MYSM1: variants seen among roughly 807,000 people sequenced by gnomAD.
The protein encoded by MYSM1 is deubiquitinase MYSM1.
MYSM1 carries 51 observed loss-of-function variants against 116.0 expected under a neutral mutation model. The ratio of observed to expected loss-of-function variants is 0.44; its 90% CI spans 0.35 to 0.56. The LOEUF (loss-of-function observed/expected upper bound fraction) is 0.56, where lower values mean the gene tolerates loss of function less well. Among genes scored for constraint, MYSM1 ranks in the 20% least tolerant of loss-of-function variants. MYSM1 has a pLI of 0.00. For missense variants in MYSM1, 900 were observed against 974.9 expected (o/e 0.92, Z 1.02); for synonymous variants, 313 against 315.2 (o/e 0.99, Z 0.07).
At position 58,655,856 on chromosome 1, in the gene MYSM1, G is replaced by C. The variant is rs987489380; in HGVS notation, c.*4141C>G. 6.6e-6 allele frequency: 1 copy of C among 151,876 alleles called. No homozygotes were observed. The highest frequency in any genetic ancestry group is 6.6e-5 in the Admixed American group (1 of 15,230). 9.4% of individuals were successfully genotyped at this position (151,876 alleles called of 1,614,324 possible). A position where few individuals can be genotyped will look rare whatever the true frequency, so the allele number is the denominator to read the frequency against. On this transcript the variant is annotated 3_prime_UTR_variant, in exon 20 of 20. Transcript: ENST00000472487. ...TGCTTTTCTTTGTGCTTGGATAAAA[G>C]AAGTTTTCCTAAATACCATATATTG...
rs200273519 is a variant in MYSM1 at position 58,668,943 on chromosome 1, C to T, written c.1716+41G>A. ...AAGCATTTCCTGTTTGACGGGGAAG[C>T]GGGGATTGTCTACTGTCATTCATTA... On this transcript the variant is annotated intron_variant, in intron 13 of 19. Coordinates refer to ENST00000472487, the MANE Select transcript of MYSM1 (RefSeq NM_001085487.3). 3,322 of 1,463,306 alleles carry T rather than the reference C, an allele frequency of 2.3e-3. 36 individuals are homozygous for T. The African/African-American group carries it at 0.03, about 13-fold the overall frequency. The allele number at this position is 1,463,306 out of a possible 1,614,324, so 90.6% of individuals were successfully genotyped here.
chr1:58,661,236 A>C lies in MYSM1; in HGVS notation c.2271-9T>G. ...TATCCATGGGGACGCTGCTGTAGGA[A>C]GAAATATGAAAACAAACTGGTGAAA... On this transcript the variant is annotated splice_polypyrimidine_tract_variant and intron_variant, in intron 18 of 19. Transcript: ENST00000472487. 1 of 1,611,318 alleles carries C rather than the reference A, an allele frequency of 6.2e-7. No individual in the cohort carries two copies. Among genetic ancestry groups the C allele is most frequent in the South Asian group, 1.1e-5 (1 of 91,006 alleles).
At chr1:58,697,765 T>G (rs1644997708) in intron 1 of MYSM1, among the ~76,000 whole-genome samples, 1 of 151,378 alleles carries the variant, frequency 6.6e-6, no homozygotes, top group Admixed American at 6.6e-5. Flanking sequence ...AAGTTTGTAT[T>G]TTTAGTAGAG....
rs757634942 is a variant in MYSM1, at chr1:58,661,243, T to C, written c.2271-16A>G. ...GGGGACGCTGCTGTAGGAAGAAATA[T>C]GAAAACAAACTGGTGAAACGAATAC... is the stretch of plus-strand genomic sequence containing the variant. On this transcript the variant is annotated splice_polypyrimidine_tract_variant and intron_variant, in intron 18 of 19. Coordinates refer to ENST00000472487, the MANE Select transcript of MYSM1 (RefSeq NM_001085487.3). 3.9e-5 allele frequency: 63 copies of C among 1,607,516 alleles called. No individual in the cohort carries two copies. Among genetic ancestry groups the C allele is most frequent in the Non-Finnish European group, 5.4e-5 (63 of 1,174,382 alleles).
chr1:58,696,380 T>C (rs1016297611), intron 1 of MYSM1, among the ~76,000 whole-genome samples: 2 of 152,250 alleles, frequency 1.3e-5, no homozygotes, highest in Admixed American at 1.3e-4. Context: ...AGGTACCACA[T>C]ATTAGCATGT....
intron 11 of MYSM1, among the ~76,000 whole-genome samples, chr1:58,673,211 A>G (rs948292286): frequency 6.9e-6 from 1 of 145,760 alleles, no homozygotes; most frequent in African/African-American, 2.5e-5. Flanking sequence ...TATTTAGAAC[A>G]CATGTGTGTC....
At chr1:58,670,954 T>C (rs1311447465) in intron 12 of MYSM1, among the ~76,000 whole-genome samples, 3 of 152,220 alleles carry the variant, frequency 2.0e-5, no homozygotes, top group African/African-American at 7.2e-5. Context: ...ATTATCTGGA[T>C]ACTGGATGAG....
chr1:58,682,041 C>G lies in MYSM1; in HGVS notation c.1003G>C (p.Ala335Pro), dbSNP rs758592022. 6.2e-7 allele frequency: 1 copy of G among 1,614,166 alleles called. No homozygotes were observed. The highest frequency in any genetic ancestry group is 1.1e-5 in the South Asian group (1 of 91,088). The change falls in exon 8 of 20, where the codon GCC (alanine) becomes CCC (proline). Residue 335 changes from alanine to proline, a missense_variant. Physicochemically the swap from Ala to Pro is conservative, Grantham distance 27 (BLOSUM62 -1). Coordinates refer to ENST00000472487, the MANE Select transcript of MYSM1 (RefSeq NM_001085487.3). ...KHDGRGIIVDARQLPSPEPCE... is the reference protein window; with the variant it reads ...KHDGRGIIVDPRQLPSPEPCE... ...GGCTCTGGAGAAGGCAACTGCCTGG[C>G]ATCAACTATTATTCCCCTTCCATCA...
chr1:58,676,701 A>C, intron 9 of MYSM1: 1 of 307,672 alleles, frequency 3.3e-6, no homozygotes, highest in African/African-American at 2.2e-5. Context: ...ACTTAGATTG[A>C]ATATTTTACC....
In MYSM1 at chr1:58,665,924, G is replaced by A. The variant is rs1047939670; in HGVS notation, c.2032-293C>T. Among the ~76,000 whole-genome samples the A allele has an allele frequency of 3.3e-5, 5 of 152,054 alleles. No individual in the cohort carries two copies. In the East Asian group the frequency reaches 9.7e-4, roughly 29 times the overall value. ...ATAAAAAAATTAGCCAGGTGTAGTGGCACGTGCCTGTAACCCCAGCTACTC... is the reference window on the plus strand; with the variant it reads ...ATAAAAAAATTAGCCAGGTGTAGTGACACGTGCCTGTAACCCCAGCTACTC... On this transcript the variant is annotated intron_variant, in intron 16 of 19. Transcript: ENST00000472487.
chr1:58,677,100 C>A, intron 8 of MYSM1, 44 bp from the exon 9 acceptor site: 2 of 1,526,878 alleles, frequency 1.3e-6, no homozygotes, highest in Non-Finnish European at 1.8e-6. Flanking sequence ...TAAATAAAAA[C>A]GTGAAAAAAG....
chr1:58,669,865 A>G (rs1396762785), intron 12 of MYSM1, among the ~76,000 whole-genome samples: 1 of 151,140 alleles, frequency 6.6e-6, no homozygotes, highest in Non-Finnish European at 1.5e-5. Flanking sequence ...AAAAAAAACA[A>G]AAAAGTGAAA....
rs188711629 is a variant in MYSM1 at position 58,689,816 on chromosome 1, G to A, written c.320+410C>T. Among the ~76,000 whole-genome samples the A allele has an allele frequency of 2.6e-5, 4 of 151,936 alleles. No individual in the cohort carries two copies. In the East Asian group the frequency reaches 7.7e-4, roughly 29 times the overall value. On this transcript the variant is annotated intron_variant, in intron 5 of 19. Coordinates refer to ENST00000472487, the MANE Select transcript of MYSM1 (RefSeq NM_001085487.3). ...TAATGTTTTTTCAATTATAGGGAAA[G>A]GATATTTTTAAAATAGTTAATTTCT...
rs559549505 is a variant in MYSM1 at position 58,700,044 on chromosome 1, A to G, written c.9T>C (p.Ala3=). The G allele has an allele frequency of 6.2e-7, 1 of 1,613,618 alleles. No individual in the cohort carries two copies. The highest frequency in any genetic ancestry group is 8.5e-7 in the Non-Finnish European group (1 of 1,179,962). Residue 3 remains alanine, a synonymous_variant, in exon 1 of 20, where the codon GCT becomes GCC. Coordinates refer to ENST00000472487, the MANE Select transcript of MYSM1 (RefSeq NM_001085487.3). MA[A]EEADVDIEGD... is the part of the protein sequence containing the mutation. Reference sequence around the variant, plus strand: ...CTTCGATATCCACATCCGCCTCTTCAGCCGCCATGATGGGACCTGACCCCG... The same window carrying G: ...CTTCGATATCCACATCCGCCTCTTCGGCCGCCATGATGGGACCTGACCCCG...
At position 58,682,209 on chromosome 1, in the gene MYSM1, A is replaced by T; in HGVS notation, c.835T>A (p.Cys279Ser). Residue 279 changes from cysteine (C) to serine (S), a missense_variant, in exon 8 of 20, where the codon TGT becomes AGT. By Grantham distance (112) the Cys-to-Ser change is moderately radical (BLOSUM62 -1). Coordinates refer to ENST00000472487, the MANE Select transcript of MYSM1 (RefSeq NM_001085487.3). ...EALFSKSSRGCLQNEKQDETL... is the reference protein window; with the variant it reads ...EALFSKSSRGSLQNEKQDETL... Reference sequence around the variant, plus strand: ...TCATCTTGCTTTTCATTTTGAAGACAGCCCCTGGAAGACTTAGAAAAGAGA... The same window carrying T: ...TCATCTTGCTTTTCATTTTGAAGACTGCCCCTGGAAGACTTAGAAAAGAGA... 2 of 1,613,098 alleles carry T rather than the reference A, an allele frequency of 1.2e-6. No individual in the cohort carries two copies. The highest frequency in any genetic ancestry group is 2.2e-5 in the East Asian group (1 of 44,852).
intron 2 of MYSM1, 84 bp from the exon 3 acceptor site, chr1:58,693,015 A>C (rs1644924147): frequency 9.4e-7 from 1 of 1,062,172 alleles, no homozygotes. Flanking sequence ...AATACATGTT[A>C]TAATGATTAT....
Position 58,661,152 on chromosome 1 carries a change from A to T in MYSM1, c.2328+18T>A. ...GAATCTGTGAACAATGGAACCAATTAAAATGAAGACAGCTTACTTTCTGCA... is the reference window on the plus strand; with the variant it reads ...GAATCTGTGAACAATGGAACCAATTTAAATGAAGACAGCTTACTTTCTGCA... On this transcript the variant is annotated intron_variant, in intron 19 of 19. Coordinates refer to ENST00000472487, the MANE Select transcript of MYSM1 (RefSeq NM_001085487.3). The T allele has an allele frequency of 6.3e-7, 1 of 1,599,962 alleles. No homozygotes were observed. The highest frequency in any genetic ancestry group is 8.6e-7 in the Non-Finnish European group (1 of 1,167,478).
chr1:58,690,938 C>A (rs534604825), intron 3 of MYSM1, among the ~76,000 whole-genome samples: 1 of 152,260 alleles, frequency 6.6e-6, no homozygotes, highest in South Asian at 2.1e-4. Context: ...AAATTGCAAA[C>A]ATTTAGATCA....
At chr1:58,682,681 TTTTCTTTTTTTTCTTTTC>T in intron 7 of MYSM1, 136 bp from the exon 8 acceptor site, 1 of 297,724 alleles carries the variant, frequency 3.4e-6, no homozygotes, top group Non-Finnish European at 5.2e-6. Context: ...TCTAATGCGC[TTTTCTTTTTTTTCTTTTC>T]TTTTTTTTTT....
Sources: allele counts gnomAD v4.1 joint callset (sites outside exome capture counted in the v4.1 genomes callset), GRCh38; gene constraint gnomAD v4.1.1; transcripts MANE v1.5; gene names NCBI Gene and HGNC (gene_info 2026-07-23, HGNC 2026-07-21).